Variants in LRRTM4 observed in about 807,000 individuals in gnomAD.
LRRTM4 encodes the protein leucine rich repeat transmembrane neuronal 4.
Under a neutral mutation model 47.6 loss-of-function variants are expected in LRRTM4, and 25 were observed. The observed-to-expected ratio is 0.53, with a 90% CI of 0.38 to 0.73. LRRTM4 has a LOEUF of 0.73. LRRTM4 is among the 30% of genes least tolerant of loss of function. The pLI is 0.00. For synonymous variants in LRRTM4, 311 were observed against 269.5 expected, an observed-to-expected ratio of 1.15 and a Z score of -1.51; for missense variants, 638 against 713.4, an observed-to-expected ratio of 0.89 and a Z score of 1.20.
At chr2:77,113,725 T>C (rs1671313304) in intron 3 of LRRTM4, among the ~76,000 whole-genome samples, 2 of 151,694 alleles carry the variant, frequency 1.3e-5, no homozygotes, top group Non-Finnish European at 2.9e-5. Flanking sequence ...GCAGCCTGAG[T>C]GGATGGCAAA....
chr2:76,856,384 C>A (rs7558600), intron 3 of LRRTM4, among the ~76,000 whole-genome samples: 60,535 of 151,952 alleles, frequency 0.4, 13,518 homozygotes, highest in East Asian at 0.63. Flanking sequence ...ATAATATCCA[C>A]TATGGTTGAA....
chr2:77,436,393 ATAC>A (rs1573412065), intron 3 of LRRTM4, among the ~76,000 whole-genome samples: 1 of 152,086 alleles, frequency 6.6e-6, no homozygotes. Context: ...TTTGATAATA[ATAC>A]AAGTTAAATT....
chr2:77,472,183 G>A (rs1368141033), intron 3 of LRRTM4, among the ~76,000 whole-genome samples: 1 of 152,132 alleles, frequency 6.6e-6, no homozygotes, highest in African/African-American at 2.4e-5. Flanking sequence ...GTGCTGAAGT[G>A]TGGTCTAGTG....
At chr2:77,076,501 T>A (rs1220966065) in intron 3 of LRRTM4, among the ~76,000 whole-genome samples, 1 of 152,142 alleles carries the variant, frequency 6.6e-6, no homozygotes, top group Non-Finnish European at 1.5e-5. Context: ...CAGTAACAAC[T>A]GTCACGATAA....
intron 3 of LRRTM4, among the ~76,000 whole-genome samples, chr2:76,960,411 C>G (rs1193511065): frequency 6.6e-6 from 1 of 151,506 alleles, no homozygotes; most frequent in Non-Finnish European, 1.5e-5. Flanking sequence ...TAAAAAGACA[C>G]AAACATCAAA....
At chr2:76,805,960 G>T (rs1007751797) in intron 3 of LRRTM4, among the ~76,000 whole-genome samples, 1 of 152,032 alleles carries the variant, frequency 6.6e-6, no homozygotes, top group African/African-American at 2.4e-5. Context: ...TTTCTATCTC[G>T]AAGGACCACA....
intron 3 of LRRTM4, among the ~76,000 whole-genome samples, chr2:77,180,054 A>G (rs895478333): frequency 6.6e-6 from 1 of 152,216 alleles, no homozygotes; most frequent in Non-Finnish European, 1.5e-5. Context: ...AGAATTGCTT[A>G]TAAGATTTGA....
chr2:77,262,703 G>T (rs1484951721), intron 3 of LRRTM4, among the ~76,000 whole-genome samples: 1 of 151,822 alleles, frequency 6.6e-6, no homozygotes, highest in African/African-American at 2.4e-5. Flanking sequence ...TTAACTCATG[G>T]TTAATATTTG....
intron 3 of LRRTM4, among the ~76,000 whole-genome samples, chr2:77,000,842 T>A (rs972560659): frequency 6.6e-6 from 1 of 152,120 alleles, no homozygotes; most frequent in Admixed American, 6.6e-5. Flanking sequence ...TGAGCCTCCA[T>A]GGTGGCTGTG....
At chr2:77,188,430 A>G (rs1673573778) in intron 3 of LRRTM4, among the ~76,000 whole-genome samples, 2 of 152,162 alleles carry the variant, frequency 1.3e-5, no homozygotes, top group Admixed American at 1.3e-4. Context: ...TTAATGAAAC[A>G]TATCATTGTT....
At chr2:77,159,992 T>A (rs952446563) in intron 3 of LRRTM4, among the ~76,000 whole-genome samples, 3 of 152,188 alleles carry the variant, frequency 2.0e-5, no homozygotes, top group Non-Finnish European at 4.4e-5. Flanking sequence ...TGTCTTACAC[T>A]GGTTTGGAAG....
At chr2:76,784,724 CCTTTAT>C (rs1324159322) in intron 3 of LRRTM4, among the ~76,000 whole-genome samples, 4 of 151,974 alleles carry the variant, frequency 2.6e-5, no homozygotes, top group African/African-American at 9.7e-5. Context: ...CATCTGAACA[CCTTTAT>C]AAAATACCGT....
intron 3 of LRRTM4, among the ~76,000 whole-genome samples, chr2:77,107,140 G>C (rs1011002028): frequency 1.3e-5 from 2 of 151,948 alleles, no homozygotes; most frequent in Non-Finnish European, 2.9e-5. Flanking sequence ...CTAACAATTG[G>C]AAGTTAAGAA....
intron 3 of LRRTM4, among the ~76,000 whole-genome samples, chr2:77,360,488 ATACG>A (rs1255884549): frequency 1.4e-5 from 2 of 140,362 alleles, no homozygotes; most frequent in Admixed American, 7.1e-5. Flanking sequence ...ATACGATACG[ATACG>A]ATACGATACG....
At chr2:76,866,199 T>G (rs971567037) in intron 3 of LRRTM4, among the ~76,000 whole-genome samples, 1 of 152,314 alleles carries the variant, frequency 6.6e-6, no homozygotes. Context: ...ATTAAATAAC[T>G]GAATCCCTTT....
chr2:77,063,676 T>G (rs1027453790), intron 3 of LRRTM4, among the ~76,000 whole-genome samples: 1 of 152,146 alleles, frequency 6.6e-6, no homozygotes, highest in Non-Finnish European at 1.5e-5. Flanking sequence ...CAAAATTCAA[T>G]AACATTAAAA....
intron 3 of LRRTM4, among the ~76,000 whole-genome samples, chr2:77,513,788 A>G (rs950385888): frequency 2.0e-5 from 3 of 151,538 alleles, no homozygotes; most frequent in African/African-American, 4.9e-5. Flanking sequence ...CTGGTCTAAA[A>G]CTCTTGACCT....
Position 76,987,718 on chromosome 2 carries a change from C to T in LRRTM4, c.1552-238802G>A, listed in dbSNP as rs143771729. ...TAGGGCTTTGCTCCACACAGTTTCT[C>T]GAACAACCAGTACGACAGAGTCTCC... On this transcript the variant is annotated intron_variant, in intron 3 of 3. Coordinates refer to ENST00000409884, the MANE Select transcript of LRRTM4 (RefSeq NM_001134745.3). 9.9e-5 allele frequency among the ~76,000 whole-genome samples: 15 copies of T among 151,894 alleles called. No individual in the cohort carries two copies. In the South Asian group the frequency reaches 1.2e-3, roughly 13 times the overall value.
intron 3 of LRRTM4, among the ~76,000 whole-genome samples, chr2:77,349,697 C>A (rs1671689573): frequency 2.6e-5 from 4 of 151,906 alleles, no homozygotes; most frequent in Admixed American, 2.6e-4. Context: ...TTACTGTAGT[C>A]AAATCCATAT....
Sources: gnomAD v4.1 joint callset for allele counts (sites outside exome capture counted in the v4.1 genomes callset) on GRCh38, gnomAD v4.1.1 for gene constraint, MANE v1.5 for transcripts, NCBI Gene and HGNC (gene_info 2026-07-23, HGNC 2026-07-21) for gene names.